PIGO: variants seen among roughly 807,000 people sequenced by gnomAD.
PIGO encodes the protein phosphatidylinositol glycan anchor biosynthesis class O, also known as GPI ethanolamine phosphate transferase 3, catalytic subunit.
A neutral mutation model predicts 86.9 loss-of-function variants in PIGO; 66 were observed. The observed-to-expected ratio is 0.76, with a 90% CI of 0.62 to 0.93. The LOEUF (loss-of-function observed/expected upper bound fraction) is 0.93, where lower values mean the gene tolerates loss of function less well. Ranked by LOEUF, PIGO falls within the 40% of genes least tolerant of loss-of-function variation. PIGO has a pLI of 0.00. For synonymous variants in PIGO, 570 were observed against 556.4 expected, an observed-to-expected ratio of 1.02 and a Z score of -0.34; for missense variants, 1,202 against 1,359.1, an observed-to-expected ratio of 0.88 and a Z score of 1.82.
At position 35,095,414 on chromosome 9, in the gene PIGO, G is replaced by A. The variant is rs1829626741; in HGVS notation, c.152C>T (p.Pro51Leu). The A allele has an allele frequency of 1.2e-6, 2 of 1,614,118 alleles. No homozygotes were observed. The highest frequency in any genetic ancestry group is 2.2e-5 in the East Asian group (1 of 44,878). Residue 51 changes from proline (P) to leucine (L), a missense_variant, in exon 2 of 11, where the codon CCA becomes CTA. Transcript: ENST00000378617. ...CCCAGGTTTCCCTTGGCTCCCCCAT[G>A]GCAGGGACCCAGGGCCTGGGGGCTC... is the stretch of plus-strand genomic sequence containing the variant. ...CQEPPGPGSL[P>L]WGSQGKPGAC... is the part of the protein sequence containing the mutation.
chr9:35,091,592 C>G lies in PIGO; in HGVS notation c.2295G>C (p.Val765=), dbSNP rs766221367. 5.6e-6 allele frequency: 9 copies of G among 1,613,878 alleles called. No individual in the cohort carries two copies. In the South Asian group the frequency reaches 9.9e-5, roughly 18 times the overall value. ...GAGCGCCTGCCCCAGCCTTCACCAG[C>G]ACTGTCACAGGCTTCCAGAGCAGCA... ...LALLLWKPVT[V]LVKAGAGAPR... Residue 765 remains valine (V), a synonymous_variant, in exon 7 of 11, where the codon GTG becomes GTC. Transcript: ENST00000378617.
rs1829638477 is a variant in PIGO at position 35,095,632 on chromosome 9, G to C, written c.-1-66C>G. On this transcript the variant is annotated intron_variant, in intron 1 of 10. Coordinates refer to ENST00000378617, the MANE Select transcript of PIGO (RefSeq NM_032634.4). ...AGAACCAGTGGATATTCTGGTCCCT[G>C]AATACAAGCCCAGCTAGAATCACTT... The C allele has an allele frequency of 2.1e-6, 3 of 1,425,548 alleles. No homozygotes were observed. In the South Asian group the frequency reaches 4.4e-5, roughly 21 times the overall value. 88.3% of individuals were successfully genotyped at this position (1,425,548 alleles called of 1,614,324 possible). A position where few individuals can be genotyped will look rare whatever the true frequency, so the allele number is the denominator to read the frequency against.
Position 35,092,769 on chromosome 9 carries a change from T to C in PIGO, c.1120-2A>G. 1.2e-6 allele frequency: 2 copies of C among 1,600,688 alleles called. No individual in the cohort carries two copies. Among genetic ancestry groups the C allele is most frequent in the Non-Finnish European group, 8.5e-7 (1 of 1,175,088 alleles). ...GTAGGTATGAAGAAATCGGGACACC[T>C]GGCAGAGAAAAGGTCAGAGGCCAAG... On this transcript the variant is annotated splice_acceptor_variant, in intron 6 of 10. Transcript: ENST00000378617. LOFTEE classifies it high-confidence loss of function.
At position 35,090,246 on chromosome 9, in the gene PIGO, C is replaced by T. The variant is rs959471469; in HGVS notation, c.2889G>A (p.Leu963=). The change falls in exon 9 of 11, where the codon CTG becomes CTA. Residue 963 remains leucine (L), a synonymous_variant. Transcript: ENST00000378617. ...TCTTCCGCAGCCCTTGACTCTCACA[C>T]AGGAAAGGCCAGAGCAGGAGCAGTG... ...GCPLLLLWPF[L]CESQGLRKRQ... 6 of 1,614,166 alleles carry T rather than the reference C, an allele frequency of 3.7e-6. No individual in the cohort carries two copies. Among genetic ancestry groups the T allele is most frequent in the Admixed American group, 1.7e-5 (1 of 60,020 alleles).
At position 35,096,444 on chromosome 9, in the gene PIGO, G is replaced by T. The variant is rs1411605188; in HGVS notation, c.-291C>A. ...CGGTAACTACCCAGCCTCCCGCTGG[G>T]CACCCTAGCCGCGGTACTGAGCACC... On this transcript the variant is annotated 5_prime_UTR_variant, in exon 1 of 11. Coordinates refer to ENST00000378617, the MANE Select transcript of PIGO (RefSeq NM_032634.4). The T allele has an allele frequency of 6.6e-6, 1 of 152,336 alleles. No homozygotes were observed. Among genetic ancestry groups the T allele is most frequent in the East Asian group, 1.9e-4 (1 of 5,188 alleles). 9.4% of individuals were successfully genotyped at this position (152,336 alleles called of 1,614,324 possible).
rs753674368 is a variant in PIGO, at chr9:35,090,170, C to T, written c.2965G>A (p.Glu989Lys). ...CGCATCTCCATCAGTGGCTCCTCTT[C>T]CTCCTCGGGTCTGACTCTGGCATCA... ...EADARVRPEE[E>K]EEPLMEMRLR... is the part of the protein sequence containing the mutation. The change falls in exon 9 of 11, where the codon GAA becomes AAA. Residue 989 changes from glutamate to lysine, a missense_variant. Physicochemically the swap from Glu to Lys is moderately conservative, Grantham distance 56. Transcript: ENST00000378617. 3 of 1,614,122 alleles carry T rather than the reference C, an allele frequency of 1.9e-6. No individual in the cohort carries two copies. Among genetic ancestry groups the T allele is most frequent in the East Asian group, 2.2e-5 (1 of 44,902 alleles).
chr9:35,089,623 C>T, intron 9 of PIGO, 173 bp from the exon 10 acceptor site: 1 of 1,452,072 alleles, frequency 6.9e-7, no homozygotes. Flanking sequence ...CCTGCCCTGC[C>T]CCAAGCACTG....
intron 8 of PIGO, 73 bp downstream of exon 8, chr9:35,090,393 C>T (rs1293221706): frequency 1.9e-6 from 3 of 1,550,746 alleles, no homozygotes; most frequent in Non-Finnish European, 2.6e-6. Context: ...TCTCTCCATT[C>T]AAATCCAGGG....
Position 35,092,580 on chromosome 9 carries a change from C to T in PIGO, c.1307G>A (p.Arg436Gln), listed in dbSNP as rs772960218. The T allele has an allele frequency of 4.3e-6, 7 of 1,614,114 alleles. No individual in the cohort carries two copies. Among genetic ancestry groups the T allele is most frequent in the African/African-American group, 2.7e-5 (2 of 74,946 alleles). Residue 436 changes from arginine to glutamine, a missense_variant, in exon 7 of 11, where the codon CGG becomes CAG. By Grantham distance (43) the Arg-to-Gln change is conservative. Transcript: ENST00000378617. ...AELQQFLRGARAMCIESWARF... is the reference protein window; with the variant it reads ...AELQQFLRGAQAMCIESWARF... The stretch of plus-strand genomic sequence containing the variant: ...AGCCCAAGACTCGATGCACATGGCC[C>T]GAGCTCCCCGCAGGAACTGCTGCAG...
At chr9:35,089,629 C>T in intron 9 of PIGO, 179 bp from the exon 10 acceptor site, 1 of 1,448,806 alleles carries the variant, frequency 6.9e-7, no homozygotes, top group Non-Finnish European at 9.0e-7. Flanking sequence ...CTGCCCCAAG[C>T]ACTGACTCAC....
At chr9:35,094,074 C>T (rs755711441) in intron 3 of PIGO, 50 bp from the exon 4 acceptor site, 2 of 1,593,272 alleles carry the variant, frequency 1.3e-6, no homozygotes, top group South Asian at 2.3e-5. Flanking sequence ...CACTCCTCAA[C>T]CCCAGCCAGG....
intron 9 of PIGO, 124 bp downstream of exon 9, chr9:35,089,942 G>A (rs1829335720): frequency 1.4e-6 from 2 of 1,459,238 alleles, no homozygotes; most frequent in Non-Finnish European, 1.8e-6. Context: ...CACTGGGCTT[G>A]GGCAACCACT....
chr9:35,090,923 C>T (rs900615405), intron 7 of PIGO: 1 of 571,892 alleles, frequency 1.7e-6, no homozygotes. Context: ...CAGCTCAGTG[C>T]CATTATATAT....
Position 35,093,935 on chromosome 9 carries a change from C to A in PIGO, c.745G>T (p.Ala249Ser), listed in dbSNP as rs1332877110. ...HKHGPHHPEM[A>S]KKLSQMDQVI... ...TGGTCCATCTGGCTAAGTTTCTTGG[C>A]CATTTCAGGGTGGTGAGGGCCATGC... is the stretch of plus-strand genomic sequence containing the variant. Residue 249 changes from alanine (A) to serine (S), a missense_variant, in exon 4 of 11, where the codon GCC (alanine) becomes TCC (serine). By Grantham distance (99) the Ala-to-Ser change is moderately conservative (BLOSUM62 1). Transcript: ENST00000378617. 6.2e-7 allele frequency: 1 copy of A among 1,614,164 alleles called. No individual in the cohort carries two copies. The highest frequency in any genetic ancestry group is 1.7e-5 in the Admixed American group (1 of 60,016).
In PIGO at chr9:35,092,136, A is replaced by G. The variant is rs1829452882; in HGVS notation, c.1751T>C (p.Leu584Pro). Residue 584 changes from leucine to proline, a missense_variant, in exon 7 of 11, where the codon CTG becomes CCG. By Grantham distance (98) the Leu-to-Pro change is moderately conservative (BLOSUM62 -3). Coordinates refer to ENST00000378617, the MANE Select transcript of PIGO (RefSeq NM_032634.4). ...PFLLGSFILLLVVQLHWEGQL... is the reference protein window; with the variant it reads ...PFLLGSFILLPVVQLHWEGQL... ...GCCCTCCCAGTGAAGCTGGACAACC[A>G]GGAGCAGGATGAATGAGCCCAAAAG... is the stretch of plus-strand genomic sequence containing the variant. 6.2e-7 allele frequency: 1 copy of G among 1,614,230 alleles called. No homozygotes were observed. The highest frequency in any genetic ancestry group is 8.5e-7 in the Non-Finnish European group (1 of 1,180,038).
At chr9:35,089,481 T>C (rs1246777098) in intron 9 of PIGO, 31 bp from the exon 10 acceptor site, 1 of 1,613,828 alleles carries the variant, frequency 6.2e-7, no homozygotes, top group South Asian at 1.1e-5. Flanking sequence ...CCACGTTACT[T>C]GTGAAGGAGA....
chr9:35,092,931 G>T, intron 6 of PIGO, 99 bp downstream of exon 6: 1 of 1,427,472 alleles, frequency 7.0e-7, no homozygotes, highest in South Asian at 1.4e-5. Flanking sequence ...GGTATGGAAG[G>T]TGGGACTAAG....
In PIGO at chr9:35,092,714, C is replaced by A; in HGVS notation, c.1173G>T (p.Lys391Asn). Residue 391 changes from lysine (K) to asparagine (N), a missense_variant, in exon 7 of 11, where the codon AAG (lysine) becomes AAT (asparagine). Coordinates refer to ENST00000378617, the MANE Select transcript of PIGO (RefSeq NM_032634.4). ...AGAGGTTCTGCAGCTGATGAAGCTCCTTAGCTTGAAGGTCCTGAGTAGCAG... is the reference window on the plus strand; with the variant it reads ...AGAGGTTCTGCAGCTGATGAAGCTCATTAGCTTGAAGGTCCTGAGTAGCAG... ...YSAATQDLQAKELHQLQNLFS... is the reference protein window; with the variant it reads ...YSAATQDLQANELHQLQNLFS... The A allele has an allele frequency of 2.5e-6, 4 of 1,613,778 alleles. No individual in the cohort carries two copies. Among genetic ancestry groups the A allele is most frequent in the Non-Finnish European group, 3.4e-6 (4 of 1,179,966 alleles).
chr9:35,091,538 G>C lies in PIGO; in HGVS notation c.2349C>G (p.Phe783Leu). ...APRTRTVLTP[F>L]SGPPTSQADL... is the part of the protein sequence containing the mutation. ...CAGCTTGAGAAGTGGGGGGGCCTGAGAAGGGAGTGAGGACAGTCCTGGTCC... is the reference window on the plus strand; with the variant it reads ...CAGCTTGAGAAGTGGGGGGGCCTGACAAGGGAGTGAGGACAGTCCTGGTCC... Residue 783 changes from phenylalanine (F) to leucine (L), a missense_variant, in exon 7 of 11, where the codon TTC (phenylalanine) becomes TTG (leucine). Phe to Leu is a conservative substitution (Grantham distance 22). Coordinates refer to ENST00000378617, the MANE Select transcript of PIGO (RefSeq NM_032634.4). The C allele has an allele frequency of 6.2e-7, 1 of 1,614,216 alleles. No homozygotes were observed. The highest frequency in any genetic ancestry group is 8.5e-7 in the Non-Finnish European group (1 of 1,180,042).
Sources: gnomAD v4.1 joint callset for allele counts on GRCh38, gnomAD v4.1.1 for gene constraint, MANE v1.5 for transcripts, NCBI Gene and HGNC (gene_info 2026-07-23, HGNC 2026-07-21) for gene names.